The following CSMD1 variants were observed in gnomAD, a reference collection of about 807,000 sequenced individuals.
CSMD1 encodes CUB and sushi domain-containing protein 1.
A neutral mutation model predicts 417.5 loss-of-function variants in CSMD1; 213 were observed. That is an observed-to-expected ratio of 0.51 (90% confidence interval 0.46 to 0.57). The LOEUF (loss-of-function observed/expected upper bound fraction) is 0.57. CSMD1 is among the 20% of genes least tolerant of loss of function. CSMD1 has a pLI of 0.00. For missense variants in CSMD1, 6,923 were observed against 4,529.7 expected, an observed-to-expected ratio of 1.53 and a Z score of -15.17; for synonymous variants, 2,862 against 1,736.8, an observed-to-expected ratio of 1.65 and a Z score of -16.11.
chr8:4,968,915 G>T (rs1810059842), intron 1 of CSMD1, among the ~76,000 whole-genome samples: 1 of 152,130 alleles, frequency 6.6e-6, no homozygotes, highest in Admixed American at 6.6e-5. Context: ...CTACTGCAAT[G>T]CTCAGCCCAA....
At position 4,834,943 on chromosome 8, in the gene CSMD1, C is replaced by A. The variant is rs755236097; in HGVS notation, c.85+159389G>T. 8.0e-5 allele frequency among the ~76,000 whole-genome samples: 8 copies of A among 99,838 alleles called. No homozygotes were observed. The East Asian group carries it at 2.1e-3, about 26-fold the overall frequency. 65.5% of individuals were successfully genotyped at this position (99,838 alleles called of 152,430 possible). On this transcript the variant is annotated intron_variant, in intron 1 of 69. Coordinates refer to ENST00000635120, the MANE Select transcript of CSMD1 (RefSeq NM_033225.6). ...CTGCACTCCAGCCTGGGCGACAGGGCCAGACTCCATCTCAAAAAAAAAAAA... is the reference window on the plus strand; with the variant it reads ...CTGCACTCCAGCCTGGGCGACAGGGACAGACTCCATCTCAAAAAAAAAAAA...
chr8:4,536,851 G>C (rs947280257), intron 2 of CSMD1, among the ~76,000 whole-genome samples: 3 of 152,154 alleles, frequency 2.0e-5, no homozygotes, highest in Non-Finnish European at 4.4e-5. Context: ...GTCACCTTTT[G>C]CATTTTGCAC....
intron 3 of CSMD1, among the ~76,000 whole-genome samples, chr8:4,179,426 T>C (rs953643137): frequency 2.6e-5 from 4 of 151,944 alleles, no homozygotes; most frequent in African/African-American, 9.7e-5. Context: ...CAAAAATCAA[T>C]TCAAGATGGA....
chr8:3,493,823 C>G (rs13251599), intron 10 of CSMD1, 97 bp from the exon 11 acceptor site: 2 of 929,988 alleles, frequency 2.2e-6, no homozygotes, highest in Admixed American at 4.6e-5. Flanking sequence ...TTAAATTTTG[C>G]TCCTTAATGC....
chr8:4,870,326 C>G lies in CSMD1; in HGVS notation c.85+124006G>C, dbSNP rs117313200. Among the ~76,000 whole-genome samples, 110 of 152,204 alleles carry G rather than the reference C, an allele frequency of 7.2e-4. 4 individuals carry two copies. The East Asian group carries it at 0.018, about 25-fold the overall frequency. On this transcript the variant is annotated intron_variant, in intron 1 of 69. Coordinates refer to ENST00000635120, the MANE Select transcript of CSMD1 (RefSeq NM_033225.6). ...GAAAGACCCACATCACTTTTGAAAA[C>G]TAGGCAACAATCATATTTTTATGCA...
chr8:2,947,161 C>G (rs1802299894), intron 68 of CSMD1, among the ~76,000 whole-genome samples: 1 of 152,132 alleles, frequency 6.6e-6, no homozygotes, highest in South Asian at 2.1e-4. Flanking sequence ...TTCTCTCATT[C>G]TTTGTGTGTA....
intron 1 of CSMD1, among the ~76,000 whole-genome samples, chr8:4,794,285 T>C (rs565374889): frequency 1.3e-5 from 2 of 152,322 alleles, no homozygotes; most frequent in East Asian, 3.9e-4. Context: ...GCCTACCATT[T>C]TGATATTCTT....
At chr8:3,096,282 T>G (rs1403496315) in intron 47 of CSMD1, among the ~76,000 whole-genome samples, 2 of 152,196 alleles carry the variant, frequency 1.3e-5, no homozygotes, top group Non-Finnish European at 2.9e-5. Context: ...CCCAAATCTC[T>G]TCTTGAATTG....
intron 1 of CSMD1, among the ~76,000 whole-genome samples, chr8:4,743,403 G>A (rs375873071): frequency 5.8e-4 from 88 of 152,246 alleles, no homozygotes; most frequent in African/African-American, 1.9e-3. Flanking sequence ...AACACAGGGA[G>A]TGGTATCTTC....
At chr8:3,413,510 G>A (rs191343261) in intron 12 of CSMD1, among the ~76,000 whole-genome samples, 2 of 152,144 alleles carry the variant, frequency 1.3e-5, no homozygotes, top group African/African-American at 4.8e-5. Context: ...TGTCAAAGTA[G>A]CACGGTCCAA....
intron 3 of CSMD1, among the ~76,000 whole-genome samples, chr8:4,292,125 C>T (rs1797404006): frequency 6.6e-6 from 1 of 152,056 alleles, no homozygotes; most frequent in South Asian, 2.1e-4. Flanking sequence ...CTGGCCATAC[C>T]AACAACAAAG....
chr8:3,998,459 CAACATTTTGAGACTTAAA>C (rs1238726301), intron 4 of CSMD1, among the ~76,000 whole-genome samples: 1 of 152,182 alleles, frequency 6.6e-6, no homozygotes, highest in Admixed American at 6.5e-5. Flanking sequence ...ACTATGTAAG[CAACATTTTGAGACTTAAA>C]AACATGTGGG....
At chr8:3,833,353 T>C (rs1244567076) in intron 5 of CSMD1, among the ~76,000 whole-genome samples, 3 of 152,150 alleles carry the variant, frequency 2.0e-5, no homozygotes, top group African/African-American at 2.4e-5. Flanking sequence ...CCATTTTATA[T>C]ACAACGGCAT....
chr8:3,166,487 T>C (rs934403976), intron 37 of CSMD1, among the ~76,000 whole-genome samples: 1 of 152,032 alleles, frequency 6.6e-6, no homozygotes, highest in Non-Finnish European at 1.5e-5. Context: ...TGAGCCAAGG[T>C]CACACCACTG....
In CSMD1 at chr8:3,447,214, G is replaced by A. The variant is rs558145687; in HGVS notation, c.1561+21498C>T. Among the ~76,000 whole-genome samples, 22 of 152,120 alleles carry A rather than the reference G, an allele frequency of 1.4e-4. 1 individual carries two copies. Among genetic ancestry groups the A allele is most frequent in the Admixed American group, 8.5e-4 (13 of 15,282 alleles). ...AAAGAAAAATGATGAACCAGCATGCGTCTGCATCTATCAAACACAAATTAA... is the reference window on the plus strand; with the variant it reads ...AAAGAAAAATGATGAACCAGCATGCATCTGCATCTATCAAACACAAATTAA... On this transcript the variant is annotated intron_variant, in intron 12 of 69. Transcript: ENST00000635120.
intron 3 of CSMD1, among the ~76,000 whole-genome samples, chr8:4,360,071 G>C (rs1439192541): frequency 6.6e-6 from 1 of 152,154 alleles, no homozygotes; most frequent in Non-Finnish European, 1.5e-5. Context: ...CTGACCGCCT[G>C]GGATCTCGGA....
At chr8:4,334,920 C>A (rs1003425418) in intron 3 of CSMD1, among the ~76,000 whole-genome samples, 1 of 152,012 alleles carries the variant, frequency 6.6e-6, no homozygotes, top group Non-Finnish European at 1.5e-5. Flanking sequence ...CACTTTCTAC[C>A]CCCACAGATG....
chr8:3,085,186 A>G (rs1318131945), intron 49 of CSMD1, among the ~76,000 whole-genome samples: 1 of 152,134 alleles, frequency 6.6e-6, no homozygotes, highest in Admixed American at 6.6e-5. Context: ...AAGTCCCTTA[A>G]CTTTTATGTG....
chr8:4,169,172 G>A (rs979814909), intron 3 of CSMD1, among the ~76,000 whole-genome samples: 4 of 152,178 alleles, frequency 2.6e-5, no homozygotes, highest in Middle Eastern at 3.4e-3. Context: ...CCGTCTCTAC[G>A]GTTTCAGAAT....
Sources: allele counts gnomAD v4.1 joint callset (sites outside exome capture counted in the v4.1 genomes callset), GRCh38; gene constraint gnomAD v4.1.1; transcripts MANE v1.5; gene names NCBI Gene and HGNC (gene_info 2026-07-23, HGNC 2026-07-21).